POLR2E: variants seen among roughly 807,000 people sequenced by gnomAD.
POLR2E encodes RNA polymerase II, I and III subunit E.
Under a neutral mutation model 29.8 loss-of-function variants are expected in POLR2E, and 35 were observed. The ratio of observed to expected loss-of-function variants is 1.17; its 90% confidence interval spans 0.90 to 1.55. The LOEUF (loss-of-function observed/expected upper bound fraction) is 1.55, where lower values mean the gene tolerates loss of function less well. Ranked by LOEUF, POLR2E falls within the 40% of genes most tolerant of loss-of-function variation. POLR2E has a pLI of 0.00. For synonymous variants in POLR2E, 174 were observed against 112.6 expected (o/e 1.55, Z -3.45); for missense variants, 287 against 288.6 (o/e 0.99, Z 0.04).
intron 2 of POLR2E, among the ~76,000 whole-genome samples, chr19:1,092,605 G>A (rs1047120484): frequency 4.6e-5 from 7 of 151,968 alleles, no homozygotes; most frequent in Admixed American, 2.0e-4. Flanking sequence ...GGAGAATGGC[G>A]TGAACCCGGG....
At chr19:1,089,690 C>CT (rs2043787270) in intron 6 of POLR2E, 139 bp from the exon 7 acceptor site, 1 of 810,256 alleles carries the variant, frequency 1.2e-6, no homozygotes, top group Admixed American at 2.1e-5. Context: ...GACCCGCTCC[C>CT]TGGGAACCTG....
chr19:1,092,913 C>G (rs1343656849), intron 2 of POLR2E, among the ~76,000 whole-genome samples: 1 of 144,720 alleles, frequency 6.9e-6, no homozygotes, highest in Non-Finnish European at 1.5e-5. Flanking sequence ...AGACTGGGCG[C>G]GGTGGCTCAC....
chr19:1,095,360 AGAACCCGCGC>A lies in POLR2E; in HGVS notation c.-55_-46del. 6.2e-7 allele frequency: 1 copy of A among 1,608,990 alleles called. No individual in the cohort carries two copies. Among genetic ancestry groups the A allele is most frequent in the Non-Finnish European group, 8.5e-7 (1 of 1,176,940 alleles). On this transcript the variant is annotated 5_prime_UTR_variant, in exon 1 of 8. Transcript: ENST00000615234. ...GCCGCTCGCACCCCTTCTCCGCGCG[AGAACCCGCGC>A]GGACTGCGCCTGCGCCGAATCCGAA...
rs991498306 is a variant in POLR2E, at chr19:1,086,950, C to G, written c.*1785G>C. 2.0e-5 allele frequency: 3 copies of G among 152,028 alleles called. No homozygotes were observed. Among genetic ancestry groups the G allele is most frequent in the African/African-American group, 7.3e-5 (3 of 41,368 alleles). The allele number at this position is 152,028 out of a possible 1,614,324, so 9.4% of individuals were successfully genotyped here. On this transcript the variant is annotated 3_prime_UTR_variant, in exon 8 of 8. Coordinates refer to ENST00000615234, the MANE Select transcript of POLR2E (RefSeq NM_002695.5). ...GGTTTCGCACGTCAGCCCCACATGGCCACCAAGCACTGGAAACGTGGCCCA... is the reference window on the plus strand; with the variant it reads ...GGTTTCGCACGTCAGCCCCACATGGGCACCAAGCACTGGAAACGTGGCCCA...
At chr19:1,093,586 G>A (rs923123511) in intron 2 of POLR2E, 8 of 365,686 alleles carry the variant, frequency 2.2e-5, no homozygotes, top group Non-Finnish European at 3.6e-5. Flanking sequence ...TGCACCCAAC[G>A]GCCAGGATGG....
Position 1,090,971 on chromosome 19 carries a change from G to T in POLR2E, c.366C>A (p.Ala122=). The T allele has an allele frequency of 6.2e-7, 1 of 1,613,670 alleles. No individual in the cohort carries two copies. The highest frequency in any genetic ancestry group is 8.5e-7 in the Non-Finnish European group (1 of 1,179,962). ...GAAACTGCTCCAGGATGTACTTGGGGGCCATGTCGACCAGGGACTGGAAGA... is the reference window on the plus strand; with the variant it reads ...GAAACTGCTCCAGGATGTACTTGGGTGCCATGTCGACCAGGGACTGGAAGA... ...PSAKQSLVDM[A]PKYILEQFLQ... is the part of the protein sequence containing the mutation. Residue 122 remains alanine (A), a synonymous_variant, in exon 4 of 8, where the codon GCC becomes GCA. Coordinates refer to ENST00000615234, the MANE Select transcript of POLR2E (RefSeq NM_002695.5).
rs557187292 is a variant in POLR2E, at chr19:1,087,116, A to T, written c.*1619T>A. On this transcript the variant is annotated 3_prime_UTR_variant, in exon 8 of 8. Transcript: ENST00000615234. ...AATGATCCTCCCGCCTCAGCCTCCC[A>T]AAGTGTTGGGATTACAGGTGTGAGC... The T allele has an allele frequency of 6.6e-6, 1 of 151,488 alleles. No individual in the cohort carries two copies. The highest frequency in any genetic ancestry group is 2.4e-5 in the African/African-American group (1 of 41,150). The allele number at this position is 151,488 out of a possible 1,614,324, so 9.4% of individuals were successfully genotyped here.
At chr19:1,093,000 A>C (rs2043870073) in intron 2 of POLR2E, among the ~76,000 whole-genome samples, 1 of 152,018 alleles carries the variant, frequency 6.6e-6, no homozygotes, top group African/African-American at 2.4e-5. Context: ...AGTCTAGCCA[A>C]CATGGTGAAA....
intron 2 of POLR2E, 71 bp downstream of exon 2, chr19:1,093,833 G>C: frequency 6.8e-7 from 1 of 1,481,360 alleles, no homozygotes; most frequent in East Asian, 2.5e-5. Context: ...GTGGGGGTGG[G>C]TGCTAGCGAC....
chr19:1,089,367 A>C, intron 7 of POLR2E, 105 bp downstream of exon 7: 1 of 748,916 alleles, frequency 1.3e-6, no homozygotes, highest in Non-Finnish European at 2.3e-6. Context: ...TGGTGCTAGG[A>C]GGGTCTTGCT....
chr19:1,091,679 C>A, intron 3 of POLR2E, 113 bp downstream of exon 3: 2 of 713,468 alleles, frequency 2.8e-6, no homozygotes, highest in South Asian at 1.6e-5. Flanking sequence ...TCCTCCAGGG[C>A]ACCCTGGCTG....
At position 1,090,082 on chromosome 19, in the gene POLR2E, G is replaced by T; in HGVS notation, c.488+5C>A. ...GGGCGGGGCCGGTGGGGCTGGAAAGGATACTATCGGGCCAGCAGCTCTGTC... is the reference window on the plus strand; with the variant it reads ...GGGCGGGGCCGGTGGGGCTGGAAAGTATACTATCGGGCCAGCAGCTCTGTC... On this transcript the variant is annotated splice_donor_5th_base_variant and intron_variant, in intron 5 of 7. Transcript: ENST00000615234. The T allele has an allele frequency of 6.2e-7, 1 of 1,611,950 alleles. No homozygotes were observed. Among genetic ancestry groups the T allele is most frequent in the Non-Finnish European group, 8.5e-7 (1 of 1,179,450 alleles).
chr19:1,089,247 G>A (rs936753461), intron 7 of POLR2E, among the ~76,000 whole-genome samples: 16 of 152,322 alleles, frequency 1.1e-4, no homozygotes, highest in African/African-American at 2.4e-4. Flanking sequence ...CACGCCCCGC[G>A]TACCAGGACT....
At chr19:1,090,602 TAG>T (rs980932767) in intron 4 of POLR2E, among the ~76,000 whole-genome samples, 9 of 151,950 alleles carry the variant, frequency 5.9e-5, no homozygotes, top group African/African-American at 2.2e-4. Context: ...GTATTTTTAG[TAG>T]AGACGGGGTT....
At position 1,095,334 on chromosome 19, in the gene POLR2E, C is replaced by CGCCGCT. The variant is rs1169878072; in HGVS notation, c.-25_-20dup. The CGCCGCT allele has an allele frequency of 1.9e-6, 3 of 1,612,130 alleles. No homozygotes were observed. Among genetic ancestry groups the CGCCGCT allele is most frequent in the Non-Finnish European group, 2.5e-6 (3 of 1,179,398 alleles). On this transcript the variant is annotated 5_prime_UTR_variant, in exon 1 of 8. Coordinates refer to ENST00000615234, the MANE Select transcript of POLR2E (RefSeq NM_002695.5). ...CGTCCATGGCAGCCTCCGCCGCCGC[C>CGCCGCT]GCCGCTCGCACCCCTTCTCCGCGCG... is the stretch of plus-strand genomic sequence containing the variant.
intron 1 of POLR2E, 115 bp downstream of exon 1, chr19:1,095,144 G>C (rs978992516): frequency 9.0e-7 from 1 of 1,109,146 alleles, no homozygotes; most frequent in Non-Finnish European, 1.3e-6. Flanking sequence ...GTATCGGCCC[G>C]GCCCTTCATC....
chr19:1,092,937 G>C (rs1443948904), intron 2 of POLR2E, among the ~76,000 whole-genome samples: 2 of 147,848 alleles, frequency 1.4e-5, no homozygotes, highest in African/African-American at 2.5e-5. Flanking sequence ...TGTAATCCCA[G>C]CACTTTGGGA....
At chr19:1,089,116 C>T (rs1204445759) in intron 7 of POLR2E, among the ~76,000 whole-genome samples, 1 of 152,138 alleles carries the variant, frequency 6.6e-6, no homozygotes, top group African/African-American at 2.4e-5. Flanking sequence ...AGCTGTGCCT[C>T]CTCTCTCAGC....
intron 7 of POLR2E, among the ~76,000 whole-genome samples, chr19:1,089,271 G>A (rs1451612699): frequency 3.3e-5 from 5 of 152,226 alleles, no homozygotes; most frequent in African/African-American, 4.8e-5. Context: ...CCGTCCAGGC[G>A]CACAGCCCCA....
Sources: gnomAD v4.1 joint callset for allele counts (sites outside exome capture counted in the v4.1 genomes callset) on GRCh38, gnomAD v4.1.1 for gene constraint, MANE v1.5 for transcripts, NCBI Gene and HGNC (gene_info 2026-07-23, HGNC 2026-07-21) for gene names.